CAMK4: variants seen among roughly 807,000 people sequenced by gnomAD.
CAMK4 encodes calcium/calmodulin dependent protein kinase IV.
Under a neutral mutation model 44.9 loss-of-function variants are expected in CAMK4, and 22 were observed. That is an observed-to-expected ratio of 0.49 (90% confidence interval 0.35 to 0.70). The LOEUF (loss-of-function observed/expected upper bound fraction) is 0.70, where lower values mean the gene tolerates loss of function less well. CAMK4 is among the 30% of genes least tolerant of loss of function. The probability of loss-of-function intolerance (pLI) is 0.01; values close to 1 mark genes in which losing one functional copy is unlikely to be tolerated. For missense variants in CAMK4, 498 were observed against 586.8 expected (o/e 0.85, Z 1.56); for synonymous variants, 218 against 215.4 (o/e 1.01, Z -0.11).
At chr5:111,435,099 G>A (rs1753599159) in intron 5 of CAMK4, among the ~76,000 whole-genome samples, 1 of 152,170 alleles carries the variant, frequency 6.6e-6, no homozygotes, top group Non-Finnish European at 1.5e-5. Context: ...CAGAGCAGCA[G>A]TCTTTGTCTC....
intron 1 of CAMK4, among the ~76,000 whole-genome samples, chr5:111,308,249 A>ATAAAAAAAAAAAAAT (rs1458432736): frequency 7.5e-6 from 1 of 132,670 alleles, no homozygotes; most frequent in African/African-American, 4.0e-5. Flanking sequence ...TTAGAGTATA[A>ATAAAAAAAAAAAAAT]TAAAAAAATA....
chr5:111,418,997 A>C (rs1441178970), intron 5 of CAMK4, among the ~76,000 whole-genome samples: 3 of 152,138 alleles, frequency 2.0e-5, no homozygotes, highest in Non-Finnish European at 4.4e-5. Context: ...TTCTAGTTCT[A>C]GATCCCTGAG....
chr5:111,435,235 A>C (rs753803975), intron 5 of CAMK4, among the ~76,000 whole-genome samples: 80 of 152,162 alleles, frequency 5.3e-4, no homozygotes, highest in Non-Finnish European at 1.0e-3. Flanking sequence ...TTTAGGAATC[A>C]TTTATACATT....
chr5:111,338,422 C>G (rs149072618), intron 1 of CAMK4, among the ~76,000 whole-genome samples: 180 of 151,366 alleles, frequency 1.2e-3, no homozygotes, highest in African/African-American at 3.8e-3. Flanking sequence ...TCTGTTAACT[C>G]TGTTGATACT....
At chr5:111,286,297 G>A (rs1012369994) in intron 1 of CAMK4, among the ~76,000 whole-genome samples, 9 of 152,282 alleles carry the variant, frequency 5.9e-5, no homozygotes, top group African/African-American at 2.2e-4. Context: ...CCTTTGTCCG[G>A]TGTTGTATAG....
chr5:111,405,398 G>A (rs1752384663), intron 5 of CAMK4, among the ~76,000 whole-genome samples: 1 of 152,128 alleles, frequency 6.6e-6, no homozygotes, highest in South Asian at 2.1e-4. Context: ...AACCCGGTAG[G>A]CAGAGGTTGC....
chr5:111,274,874 T>C (rs1038963826), intron 1 of CAMK4, among the ~76,000 whole-genome samples: 11 of 152,184 alleles, frequency 7.2e-5, no homozygotes, highest in African/African-American at 2.7e-4. Flanking sequence ...TTAAGTGTTA[T>C]ACCACTCTTT....
intron 1 of CAMK4, among the ~76,000 whole-genome samples, chr5:111,267,703 C>CAAAAAA (rs59699712): frequency 3.3e-4 from 24 of 71,726 alleles, no homozygotes; most frequent in Non-Finnish European, 4.0e-4. Context: ...GACTCCGTCT[C>CAAAAAA]AAAAAAAAAA....
chr5:111,275,893 A>C (rs1750740828), intron 1 of CAMK4, among the ~76,000 whole-genome samples: 1 of 152,152 alleles, frequency 6.6e-6, no homozygotes, highest in Non-Finnish European at 1.5e-5. Flanking sequence ...ATATACCCCC[A>C]AAATAGGTAC....
chr5:111,445,084 C>T, intron 5 of CAMK4, among the ~76,000 whole-genome samples: 1 of 152,190 alleles, frequency 6.6e-6, no homozygotes, highest in Non-Finnish European at 1.5e-5. Context: ...CACAACTGCA[C>T]CTGCTTCCAG....
At chr5:111,448,743 T>C (rs1754118011) in intron 6 of CAMK4, among the ~76,000 whole-genome samples, 1 of 151,972 alleles carries the variant, frequency 6.6e-6, no homozygotes, top group African/African-American at 2.4e-5. Context: ...AGGCAGAGGT[T>C]ACAGTAAGCC....
chr5:111,313,606 C>T (rs1485157964), intron 1 of CAMK4, among the ~76,000 whole-genome samples: 1 of 152,018 alleles, frequency 6.6e-6, no homozygotes, highest in Non-Finnish European at 1.5e-5. Flanking sequence ...GGTCTCTTAA[C>T]CTCAATCTTC....
intron 1 of CAMK4, among the ~76,000 whole-genome samples, chr5:111,234,189 A>G (rs1259721786): frequency 6.6e-6 from 1 of 152,200 alleles, no homozygotes; most frequent in African/African-American, 2.4e-5. Context: ...ATAACATTCT[A>G]CTTTATGAAA....
intron 7 of CAMK4, among the ~76,000 whole-genome samples, chr5:111,458,302 G>T (rs1401435163): frequency 2.0e-5 from 3 of 152,216 alleles, no homozygotes; most frequent in Non-Finnish European, 1.5e-5. Flanking sequence ...AGAGGAAAGG[G>T]ACTCTGCAGG....
chr5:111,238,246 T>C (rs1355455853), intron 1 of CAMK4, among the ~76,000 whole-genome samples: 1 of 152,208 alleles, frequency 6.6e-6, no homozygotes, highest in Non-Finnish European at 1.5e-5. Flanking sequence ...GTCATTTCCT[T>C]GTATCTGCCC....
chr5:111,319,166 G>A (rs1393969970), intron 1 of CAMK4, among the ~76,000 whole-genome samples: 1 of 152,134 alleles, frequency 6.6e-6, no homozygotes, highest in Non-Finnish European at 1.5e-5. Flanking sequence ...AAGGCAGTGT[G>A]CAATATGCTC....
chr5:111,431,633 G>A (rs1168956822), intron 5 of CAMK4, among the ~76,000 whole-genome samples: 1 of 151,712 alleles, frequency 6.6e-6, no homozygotes, highest in Admixed American at 6.6e-5. Context: ...TTAATAACCA[G>A]ATTATAAAAG....
intron 1 of CAMK4, among the ~76,000 whole-genome samples, chr5:111,299,126 G>A (rs1385887374): frequency 6.6e-6 from 1 of 152,250 alleles, no homozygotes; most frequent in East Asian, 1.9e-4. Flanking sequence ...AGGAGGTGGA[G>A]TGTAAGGGAA....
Position 111,484,554 on chromosome 5 carries a change from T to A in CAMK4, c.*88T>A. 1 of 838,362 alleles carries A rather than the reference T, an allele frequency of 1.2e-6. No individual in the cohort carries two copies. Among genetic ancestry groups the A allele is most frequent in the Non-Finnish European group, 1.7e-6 (1 of 582,258 alleles). 51.9% of individuals were successfully genotyped at this position (838,362 alleles called of 1,614,324 possible). On this transcript the variant is annotated 3_prime_UTR_variant, in exon 11 of 11. Coordinates refer to ENST00000282356, the MANE Select transcript of CAMK4 (RefSeq NM_001744.6). The surrounding 1 kb of genome is among the most constrained non-coding windows in gnomAD (Gnocchi z 5.3). ...AAAGGTGTGGAAGCATGATATGTAC[T>A]ATAGTGATTCTGTTTTTGAGGTGCA...
Sources: gnomAD v4.1 joint callset for allele counts (sites outside exome capture counted in the v4.1 genomes callset) on GRCh38, gnomAD v4.1.1 for gene constraint, Gnocchi (gnomAD v3.1) non-coding constraint, MANE v1.5 for transcripts, NCBI Gene and HGNC (gene_info 2026-07-23, HGNC 2026-07-21) for gene names.